Variants in MPZ observed in about 807,000 individuals in gnomAD.
The protein encoded by MPZ is myelin protein P0.
A neutral mutation model predicts 27.9 loss-of-function variants in MPZ; 13 were observed. The observed-to-expected ratio is 0.47, with a 90% CI of 0.30 to 0.74. MPZ has a LOEUF of 0.74. Among genes scored for constraint, MPZ ranks in the 30% least tolerant of loss-of-function variants. MPZ has a pLI of 0.06. For missense variants in MPZ, 256 were observed against 317.5 expected, an observed-to-expected ratio of 0.81 and a Z score of 1.47; for synonymous variants, 118 against 128.9, an observed-to-expected ratio of 0.92 and a Z score of 0.57.
intron 1 of MPZ, 176 bp from the exon 2 acceptor site, chr1:161,307,600 G>A (rs959114441): frequency 6.3e-6 from 4 of 638,072 alleles, no homozygotes; most frequent in Admixed American, 5.5e-5. Context: ...GAGCATAAAT[G>A]CTGTGTCTGT....
chr1:161,309,923 G>A lies in MPZ; in HGVS notation c.-18C>T, dbSNP rs767082699. 9 of 1,574,974 alleles carry A rather than the reference G, an allele frequency of 5.7e-6. No individual in the cohort carries two copies. Among genetic ancestry groups the A allele is most frequent in the African/African-American group, 1.3e-5 (1 of 74,484 alleles). ...GGAGCCATAGCTGGGGCAGGGGCAG[G>A]GGCCCGGAGCATCTGTGGGGTTGAG... On this transcript the variant is annotated 5_prime_UTR_variant, in exon 1 of 6. Coordinates refer to ENST00000533357, the MANE Select transcript of MPZ (RefSeq NM_000530.8).
intron 2 of MPZ, 114 bp from the exon 3 acceptor site, chr1:161,307,035 A>AAAAAAAAAAAAC: frequency 1.0e-6 from 1 of 1,000,514 alleles, no homozygotes; most frequent in East Asian, 2.7e-5. Context: ...AAAAAAAAAA[A>AAAAAAAAAAAAC]AAAGCTTCGC....
At position 161,305,291 on chromosome 1, in the gene MPZ, T is replaced by C. The variant is rs1183419718; in HGVS notation, c.*585A>G. The C allele has an allele frequency of 6.6e-6, 1 of 151,748 alleles. No homozygotes were observed. The allele number at this position is 151,748 out of a possible 1,614,324, so 9.4% of individuals were successfully genotyped here. A position where few individuals can be genotyped will look rare whatever the true frequency, so the allele number is the denominator to read the frequency against. The stretch of plus-strand genomic sequence containing the variant: ...TAGCTGGGGGGACAGAGTATGGAGC[T>C]GGGCCACCTGGTAGAGGGGAGGGAG... On this transcript the variant is annotated 3_prime_UTR_variant, in exon 6 of 6. Transcript: ENST00000533357.
intron 1 of MPZ, among the ~76,000 whole-genome samples, chr1:161,308,700 C>G (rs1386368884): frequency 6.6e-6 from 1 of 152,190 alleles, no homozygotes; most frequent in African/African-American, 2.4e-5. Flanking sequence ...TCTATTCCTC[C>G]TGTTACAATA....
At position 161,306,347 on chromosome 1, in the gene MPZ, G is replaced by A. The variant is rs1268318757; in HGVS notation, c.566C>T (p.Ala189Val). 2 of 1,614,210 alleles carry A rather than the reference G, an allele frequency of 1.2e-6. No homozygotes were observed. Among genetic ancestry groups the A allele is most frequent in the East Asian group, 2.2e-5 (1 of 44,864 alleles). ...VRYCWLRRQA[A>V]LQRRLSAMEK... The stretch of plus-strand genomic sequence containing the variant: ...CCCTTACCTGAGCCTCCTCTGCAGG[G>A]CCGCCTGCCTGCGTAGCCAGCAGTA... The change falls in exon 4 of 6, where the codon GCC becomes GTC. Residue 189 changes from alanine to valine, a missense_variant. By Grantham distance (64) the Ala-to-Val change is moderately conservative. Transcript: ENST00000533357.
intron 1 of MPZ, among the ~76,000 whole-genome samples, chr1:161,307,733 T>G (rs921800744): frequency 1.3e-5 from 2 of 152,342 alleles, no homozygotes; most frequent in Non-Finnish European, 2.9e-5. Flanking sequence ...ATCTAACTTT[T>G]AAGCTATCCT....
At position 161,305,950 on chromosome 1, in the gene MPZ, G is replaced by A; in HGVS notation, c.673C>T (p.His225Tyr). Residue 225 changes from histidine (H) to tyrosine (Y), a missense_variant, in exon 6 of 6, where the codon CAC (histidine) becomes TAC (tyrosine). By Grantham distance (83) the His-to-Tyr change is moderately conservative. Around this residue, in one of 2 missense-constraint regions of MPZ, gnomAD observed 101 missense variants for 93.6 expected, o/e 1.08. Transcript: ENST00000533357. ...QTPVLYAMLDHSRSTKAVSEK... is the reference protein window; with the variant it reads ...QTPVLYAMLDYSRSTKAVSEK... ...CTGACAGCTTTGGTGCTTCTGCTGT[G>A]GTCCAGCATTGCATACAGCACTGGC... 6.2e-7 allele frequency: 1 copy of A among 1,613,990 alleles called. No individual in the cohort carries two copies. The highest frequency in any genetic ancestry group is 1.6e-4 in the Middle Eastern group (1 of 6,062).
Position 161,308,463 on chromosome 1 carries a change from C to A in MPZ, c.68-1039G>T, listed in dbSNP as rs963046459. 2.0e-5 allele frequency among the ~76,000 whole-genome samples: 3 copies of A among 152,166 alleles called. No homozygotes were observed. The South Asian group carries it at 6.2e-4, about 32-fold the overall frequency. On this transcript the variant is annotated intron_variant, in intron 1 of 5. Coordinates refer to ENST00000533357, the MANE Select transcript of MPZ (RefSeq NM_000530.8). ...TGTGTGGGCTGGCCCCAGGGAGGGG[C>A]AACTGTAGACCTTTTTGTTCTACAG... is the stretch of plus-strand genomic sequence containing the variant.
intron 1 of MPZ, among the ~76,000 whole-genome samples, chr1:161,308,542 C>A (rs1670316373): frequency 6.6e-6 from 1 of 152,186 alleles, no homozygotes; most frequent in Non-Finnish European, 1.5e-5. Context: ...CGCTGGGGGG[C>A]TCATGCCACC....
At chr1:161,303,631 C>T (rs191574044), downstream of MPZ, among the ~76,000 whole-genome samples, 6 of 152,326 alleles carry the variant, frequency 3.9e-5, no homozygotes, top group African/African-American at 1.4e-4. Context: ...TGAGCCACCA[C>T]ATCCAACCTC....
intron 1 of MPZ, among the ~76,000 whole-genome samples, chr1:161,309,553 T>TATATATATATATATA (rs1553259997): frequency 2.4e-4 from 17 of 69,794 alleles, no homozygotes; most frequent in Non-Finnish European, 3.6e-4. Flanking sequence ...TATATATATA[T>TATATATATATATATA]TTTTTTTTTT....
At chr1:161,307,151 G>A (rs937793422) in intron 2 of MPZ, 107 bp downstream of exon 2, 13 of 1,440,304 alleles carry the variant, frequency 9.0e-6, no homozygotes, top group Non-Finnish European at 1.2e-5. Context: ...CCAAAGTTGG[G>A]GTTATGGCTC....
At chr1:161,308,219 G>C (rs946158262) in intron 1 of MPZ, among the ~76,000 whole-genome samples, 2 of 152,156 alleles carry the variant, frequency 1.3e-5, no homozygotes, top group Admixed American at 6.5e-5. Context: ...CTGAATCCCT[G>C]GTTGCCATAC....
chr1:161,308,930 C>G (rs7554208), intron 1 of MPZ, among the ~76,000 whole-genome samples: 30,091 of 152,072 alleles, frequency 0.2, 3,318 homozygotes, highest in African/African-American at 0.29. Flanking sequence ...AGCAGAGAAC[C>G]CTGGGCATTC....
chr1:161,309,476 C>A (rs1181695565), intron 1 of MPZ, among the ~76,000 whole-genome samples: 1 of 150,332 alleles, frequency 6.7e-6, no homozygotes, highest in Non-Finnish European at 1.5e-5. Flanking sequence ...CTCTCTTTTA[C>A]CCTTTCTTTT....
intron 2 of MPZ, 138 bp downstream of exon 2, chr1:161,307,120 C>T (rs1205795754): frequency 8.3e-7 from 1 of 1,210,502 alleles, no homozygotes; most frequent in Non-Finnish European, 1.2e-6. Flanking sequence ...GTCAGGGTGA[C>T]AAAGACTGTC....
chr1:161,306,249 C>T (rs557496859), intron 4 of MPZ, 80 bp downstream of exon 4: 107 of 1,612,372 alleles, frequency 6.6e-5, no homozygotes, highest in African/African-American at 1.6e-4. Flanking sequence ...TCCCCTTGGC[C>T]CTCCCACCCA....
Position 161,309,956 on chromosome 1 carries a change from G to T in MPZ, c.-51C>A, listed in dbSNP as rs1222290504. On this transcript the variant is annotated 5_prime_UTR_variant, in exon 1 of 6. Transcript: ENST00000533357. ...AGCATCTGTGGGGTTGAGAAAGTGG[G>T]GGACCAGGAACTGAACGGGGGGTTC... 6 of 1,420,956 alleles carry T rather than the reference G, an allele frequency of 4.2e-6. No homozygotes were observed. The highest frequency in any genetic ancestry group is 2.0e-5 in the Admixed American group (1 of 49,514). 88.0% of individuals were successfully genotyped at this position (1,420,956 alleles called of 1,614,324 possible).
chr1:161,307,014 C>CAAA (rs34621933), intron 2 of MPZ, 93 bp from the exon 3 acceptor site: 1,215 of 232,048 alleles, frequency 5.2e-3, no homozygotes, highest in East Asian at 0.011. Flanking sequence ...AAGAAAAAAG[C>CAAA]AAAAAAAAAA....
Sources: allele counts gnomAD v4.1 joint callset (sites outside exome capture counted in the v4.1 genomes callset), GRCh38; gene constraint gnomAD v4.1.1; regional missense constraint gnomAD v4.1.1; transcripts MANE v1.5; gene names NCBI Gene and HGNC (gene_info 2026-07-23, HGNC 2026-07-21).